SBSPON: variants seen among roughly 807,000 people sequenced by gnomAD.
The protein encoded by SBSPON is somatomedin-B and thrombospondin type-1 domain-containing protein.
Under a neutral mutation model 35.8 loss-of-function variants are expected in SBSPON, and 30 were observed. That is an observed-to-expected ratio of 0.84 (90% CI 0.63 to 1.14). The LOEUF is 1.14. Among genes scored for constraint, SBSPON ranks in the 50% most tolerant of loss-of-function variants. SBSPON has a pLI of 0.00. For synonymous variants in SBSPON, 136 were observed against 135.9 expected, an observed-to-expected ratio of 1.00 and a Z score of 0.00; for missense variants, 364 against 357.7, an observed-to-expected ratio of 1.02 and a Z score of -0.14.
intron 1 of SBSPON, among the ~76,000 whole-genome samples, chr8:73,091,926 G>A (rs1003956735): frequency 6.6e-5 from 10 of 152,268 alleles, no homozygotes; most frequent in South Asian, 6.2e-4. Flanking sequence ...CCCACATGTC[G>A]GGATCCTTCA....
chr8:73,078,173 C>T (rs1479677601), intron 2 of SBSPON, among the ~76,000 whole-genome samples: 3 of 152,126 alleles, frequency 2.0e-5, no homozygotes, highest in African/African-American at 7.2e-5. Flanking sequence ...GGATTATGAT[C>T]CCATGGGTCT....
At chr8:73,092,806 T>C in intron 1 of SBSPON, 48 bp downstream of exon 1, 1 of 1,474,218 alleles carries the variant, frequency 6.8e-7, no homozygotes, top group East Asian at 2.3e-5. Flanking sequence ...CTGTGCCCGT[T>C]GGTTGCAGGC....
In SBSPON at chr8:73,071,825, C is replaced by T. The variant is rs765877943; in HGVS notation, c.455G>A (p.Arg152Gln). The T allele has an allele frequency of 3.9e-5, 63 of 1,610,636 alleles. No individual in the cohort carries two copies. The highest frequency in any genetic ancestry group is 8.1e-5 in the African/African-American group (6 of 74,224). The part of the protein sequence containing the change: ...TTSAFNKERT[R>Q]QATSPHWSTH... ...AGACCAGTGTGGAGACGTAGCTTGT[C>T]GTGTTCTCTCCTTGTTGAATGCAGA... is the stretch of plus-strand genomic sequence containing the variant. The change falls in exon 3 of 5, where the codon CGA (arginine) becomes CAA (glutamine). Residue 152 changes from arginine (R) to glutamine (Q), a missense_variant. Physicochemically the swap from Arg to Gln is conservative, Grantham distance 43. Coordinates refer to ENST00000297354, the MANE Select transcript of SBSPON (RefSeq NM_153225.4).
intron 2 of SBSPON, among the ~76,000 whole-genome samples, chr8:73,077,673 G>T (rs532980868): frequency 6.6e-6 from 1 of 152,356 alleles, no homozygotes; most frequent in East Asian, 1.9e-4. Context: ...GCCAAACAGG[G>T]CCTGGGGCCC....
At chr8:73,068,032 T>A (rs1030095920) in intron 4 of SBSPON, among the ~76,000 whole-genome samples, 3 of 152,160 alleles carry the variant, frequency 2.0e-5, no homozygotes, top group Non-Finnish European at 4.4e-5. Flanking sequence ...CTGTTCTATG[T>A]GTATTTAAAC....
rs1161012200 is a variant in SBSPON at position 73,092,989 on chromosome 8, G to T, written c.79C>A (p.Arg27Ser). 6.5e-6 allele frequency: 10 copies of T among 1,539,076 alleles called. No individual in the cohort carries two copies. The highest frequency in any genetic ancestry group is 8.7e-6 in the Non-Finnish European group (10 of 1,146,424). The change falls in exon 1 of 5, where the codon CGC becomes AGC. Residue 27 changes from arginine (R) to serine (S), a missense_variant. By Grantham distance (110) the Arg-to-Ser change is moderately radical. Transcript: ENST00000297354. ...GCGGGGTCCCGGCCGGGACAGCAGC[G>T]CCCGGCCTCGGCGCAGCCGGCCTGG... ...GAQAGCAEAG[R>S]CCPGRDPACF...
intron 4 of SBSPON, among the ~76,000 whole-genome samples, chr8:73,068,822 T>C (rs767765286): frequency 3.3e-5 from 5 of 152,232 alleles, no homozygotes; most frequent in African/African-American, 7.2e-5. Context: ...CTACCCCTTC[T>C]TTGTGTCTGG....
intron 1 of SBSPON, among the ~76,000 whole-genome samples, chr8:73,084,678 C>T (rs1459532641): frequency 6.6e-6 from 1 of 152,012 alleles, no homozygotes; most frequent in African/African-American, 2.4e-5. Context: ...AACTCCCAGA[C>T]TAACTACTTC....
At chr8:73,069,149 G>T (rs989817837) in intron 4 of SBSPON, among the ~76,000 whole-genome samples, 2 of 152,212 alleles carry the variant, frequency 1.3e-5, no homozygotes, top group Non-Finnish European at 2.9e-5. Context: ...TCAGTTAGTC[G>T]GAAATGAGGT....
chr8:73,065,311 T>C lies in SBSPON; in HGVS notation c.*2030A>G, dbSNP rs1810366283. On this transcript the variant is annotated 3_prime_UTR_variant, in exon 5 of 5. Coordinates refer to ENST00000297354, the MANE Select transcript of SBSPON (RefSeq NM_153225.4). ...TATAAAAGCACCATTGCTTTATTGC[T>C]ATTAGTAGTTGTTGTACCTATACCT... The C allele has an allele frequency of 6.6e-6, 1 of 152,220 alleles. No individual in the cohort carries two copies. Among genetic ancestry groups the C allele is most frequent in the Non-Finnish European group, 1.5e-5 (1 of 68,040 alleles). The allele number at this position is 152,220 out of a possible 1,614,324, so 9.4% of individuals were successfully genotyped here. A position where few individuals can be genotyped will look rare whatever the true frequency, so the allele number is the denominator to read the frequency against.
chr8:73,084,105 TG>T (rs1227897866), intron 1 of SBSPON, among the ~76,000 whole-genome samples: 1 of 152,248 alleles, frequency 6.6e-6, no homozygotes, highest in Non-Finnish European at 1.5e-5. Flanking sequence ...GCTGAAGGTC[TG>T]GGGGGCACCC....
intron 3 of SBSPON, among the ~76,000 whole-genome samples, chr8:73,070,333 G>T (rs970984916): frequency 1.3e-5 from 2 of 152,174 alleles, no homozygotes; most frequent in Admixed American, 1.3e-4. Flanking sequence ...TGATAATTTT[G>T]CTGATCTAAA....
intron 1 of SBSPON, among the ~76,000 whole-genome samples, chr8:73,090,756 C>G (rs930944754): frequency 1.3e-5 from 2 of 152,168 alleles, no homozygotes; most frequent in African/African-American, 4.8e-5. Context: ...TTTTAAAATT[C>G]AATCTGACAC....
At chr8:73,077,370 C>A in intron 2 of SBSPON, among the ~76,000 whole-genome samples, 1 of 152,222 alleles carries the variant, frequency 6.6e-6, no homozygotes, top group East Asian at 1.9e-4. Context: ...GCCTCAAAGG[C>A]GCCTGATCTG....
chr8:73,084,118 T>C (rs1348296214), intron 1 of SBSPON, among the ~76,000 whole-genome samples: 1 of 152,258 alleles, frequency 6.6e-6, no homozygotes, highest in Non-Finnish European at 1.5e-5. Context: ...GGGGCACCCC[T>C]GGCTTTCAGC....
At chr8:73,081,354 G>T in intron 1 of SBSPON, 141 bp from the exon 2 acceptor site, 1 of 597,498 alleles carries the variant, frequency 1.7e-6, no homozygotes, top group African/African-American at 1.9e-5. Context: ...CGCACACAAA[G>T]CCTCAGCAGG....
Position 73,092,850 on chromosome 8 carries a change from C to A in SBSPON, c.214+4G>T, listed in dbSNP as rs1810961465. On this transcript the variant is annotated splice_donor_region_variant and intron_variant, in intron 1 of 4. Transcript: ENST00000297354. Reference sequence around the variant, plus strand: ...GGCGCCCCACTCTCGGCCTGACCACCCACCTGGGCACGCCCTGTCGTAGTC... The same window carrying A: ...GGCGCCCCACTCTCGGCCTGACCACACACCTGGGCACGCCCTGTCGTAGTC... The A allele has an allele frequency of 6.2e-7, 1 of 1,608,766 alleles. No individual in the cohort carries two copies. Among genetic ancestry groups the A allele is most frequent in the African/African-American group, 1.3e-5 (1 of 74,666 alleles).
At chr8:73,076,801 A>G (rs1330649482) in intron 2 of SBSPON, among the ~76,000 whole-genome samples, 1 of 152,086 alleles carries the variant, frequency 6.6e-6, no homozygotes, top group Non-Finnish European at 1.5e-5. Context: ...TCTCCCCTAG[A>G]GCCTCCAGAA....
At chr8:73,075,767 TG>T (rs1810583205) in intron 2 of SBSPON, 1 of 956,342 alleles carries the variant, frequency 1.0e-6, no homozygotes, top group Non-Finnish European at 1.2e-6. Context: ...GAGAGTAAAA[TG>T]AAAAATTGAC....
Sources: gnomAD v4.1 joint callset for allele counts (sites outside exome capture counted in the v4.1 genomes callset) on GRCh38, gnomAD v4.1.1 for gene constraint, MANE v1.5 for transcripts, NCBI Gene and HGNC (gene_info 2026-07-23, HGNC 2026-07-21) for gene names.